B3GLCT: variants seen among roughly 807,000 people sequenced by gnomAD.
The protein encoded by B3GLCT is beta-1,3-glucosyltransferase.
Under a neutral mutation model 63.4 loss-of-function variants are expected in B3GLCT, and 65 were observed. That is an observed-to-expected ratio of 1.03 (90% CI 0.84 to 1.26). The LOEUF (loss-of-function observed/expected upper bound fraction) is 1.26. B3GLCT is among the 50% of genes most tolerant of loss of function. The pLI is 0.00. For synonymous variants in B3GLCT, 233 were observed against 219.2 expected, an observed-to-expected ratio of 1.06 and a Z score of -0.55; for missense variants, 577 against 604.8, an observed-to-expected ratio of 0.95 and a Z score of 0.48.
intron 2 of B3GLCT, 45 bp from the exon 3 acceptor site, chr13:31,222,907 G>T: frequency 1.5e-6 from 2 of 1,300,344 alleles, no homozygotes; most frequent in Non-Finnish European, 2.2e-6. Flanking sequence ...TGCTGGCTTT[G>T]TTATGTACTG....
intron 1 of B3GLCT, among the ~76,000 whole-genome samples, chr13:31,206,213 G>A (rs1256822169): frequency 6.6e-6 from 1 of 152,184 alleles, no homozygotes; most frequent in Non-Finnish European, 1.5e-5. Context: ...TTCCCAGTGT[G>A]TGTCAGACTT....
chr13:31,300,773 G>A (rs946263695), intron 12 of B3GLCT, among the ~76,000 whole-genome samples: 4 of 152,132 alleles, frequency 2.6e-5, no homozygotes, highest in Non-Finnish European at 5.9e-5. Flanking sequence ...GGAGCAATTG[G>A]GGAAGTGTCA....
chr13:31,270,834 A>G (rs1872548780), intron 8 of B3GLCT, among the ~76,000 whole-genome samples: 1 of 152,212 alleles, frequency 6.6e-6, no homozygotes, highest in Non-Finnish European at 1.5e-5. Context: ...AGTTCAGCTA[A>G]TCTGGATTCT....
At chr13:31,269,298 T>C (rs1018208717) in intron 8 of B3GLCT, 21 bp downstream of exon 8, 2 of 1,540,880 alleles carry the variant, frequency 1.3e-6, no homozygotes, top group Admixed American at 3.4e-5. Flanking sequence ...TTTTGTTTGA[T>C]TAAAAATCTT....
Position 31,316,907 on chromosome 13 carries a change from T to C in B3GLCT, c.1065-659T>C, listed in dbSNP as rs540820686. On this transcript the variant is annotated intron_variant, in intron 12 of 14. Coordinates refer to ENST00000343307, the MANE Select transcript of B3GLCT (RefSeq NM_194318.4). ...CTAATACACTGCCCTTTGTAAGCTG[T>C]TGTTGGTAATGTGTGTTAAAGGCAG... is the stretch of plus-strand genomic sequence containing the variant. Among the ~76,000 whole-genome samples, 69 of 152,266 alleles carry C rather than the reference T, an allele frequency of 4.5e-4. 1 individual carries two copies. The highest frequency in any genetic ancestry group is 1.6e-3 in the Admixed American group (24 of 15,308).
At chr13:31,234,142 C>T (rs1001776223) in intron 4 of B3GLCT, among the ~76,000 whole-genome samples, 11 of 152,132 alleles carry the variant, frequency 7.2e-5, no homozygotes, top group Non-Finnish European at 1.5e-4. Flanking sequence ...CTCAGCCTCC[C>T]GAGTAGCTGG....
At chr13:31,287,586 A>C (rs1469748758) in intron 12 of B3GLCT, among the ~76,000 whole-genome samples, 3 of 152,174 alleles carry the variant, frequency 2.0e-5, no homozygotes, top group Non-Finnish European at 4.4e-5. Flanking sequence ...AAAATAACCA[A>C]CATCTAATAA....
intron 1 of B3GLCT, among the ~76,000 whole-genome samples, chr13:31,211,421 T>A (rs1869253733): frequency 6.6e-6 from 1 of 151,990 alleles, no homozygotes; most frequent in Non-Finnish European, 1.5e-5. Flanking sequence ...CAACTGGAAT[T>A]TTTTCTAAGG....
chr13:31,202,888 G>A (rs1440351181), intron 1 of B3GLCT, among the ~76,000 whole-genome samples: 1 of 152,232 alleles, frequency 6.6e-6, no homozygotes. Context: ...CTGGATGCCA[G>A]ATGGATGTGG....
chr13:31,276,881 C>T lies in B3GLCT; in HGVS notation c.850+110C>T, dbSNP rs1333914638. ...ATTCAGAAAAGGGATAATGACAATT[C>T]GGATGTTGAAGTGAAAGCAGTTATT... is the stretch of plus-strand genomic sequence containing the variant. On this transcript the variant is annotated intron_variant, in intron 10 of 14. Transcript: ENST00000343307. 17 of 829,530 alleles carry T rather than the reference C, an allele frequency of 2.0e-5. No homozygotes were observed. The East Asian group carries it at 2.5e-4, about 12-fold the overall frequency. The allele number at this position is 829,530 out of a possible 1,614,324, so 51.4% of individuals were successfully genotyped here. A position where few individuals can be genotyped will look rare whatever the true frequency, so the allele number is the denominator to read the frequency against.
chr13:31,200,193 G>C, intron 1 of B3GLCT, 39 bp downstream of exon 1: 1 of 1,209,710 alleles, frequency 8.3e-7, no homozygotes, highest in Non-Finnish European at 1.0e-6. Context: ...GGCGAGGCGT[G>C]GGGTTCGCGG....
At chr13:31,220,655 C>T (rs1869766741) in intron 2 of B3GLCT, among the ~76,000 whole-genome samples, 1 of 152,180 alleles carries the variant, frequency 6.6e-6, no homozygotes, top group African/African-American at 2.4e-5. Context: ...CTCAATTCAC[C>T]TTATTCAACT....
At chr13:31,272,301 C>T (rs1312819284) in intron 8 of B3GLCT, among the ~76,000 whole-genome samples, 4 of 151,600 alleles carry the variant, frequency 2.6e-5, no homozygotes, top group Admixed American at 2.0e-4. Flanking sequence ...CTGCAACCTC[C>T]ACATCCTGGG....
At chr13:31,233,882 C>G (rs1455135509) in intron 4 of B3GLCT, among the ~76,000 whole-genome samples, 1 of 152,090 alleles carries the variant, frequency 6.6e-6, no homozygotes, top group Non-Finnish European at 1.5e-5. Context: ...CTCATTCATT[C>G]TTTTGGTATT....
intron 7 of B3GLCT, among the ~76,000 whole-genome samples, chr13:31,266,952 G>A (rs1872353246): frequency 6.6e-6 from 1 of 151,978 alleles, no homozygotes; most frequent in East Asian, 1.9e-4. Flanking sequence ...TGTATTTTTA[G>A]TAGAGACGGG....
chr13:31,215,212 A>C (rs1837570664), intron 2 of B3GLCT, 112 bp downstream of exon 2: 6 of 1,124,690 alleles, frequency 5.3e-6, no homozygotes, highest in Non-Finnish European at 7.9e-6. Context: ...TTGTTACATA[A>C]TTCATATAAT....
intron 2 of B3GLCT, among the ~76,000 whole-genome samples, chr13:31,217,638 A>G (rs562666543): frequency 4.6e-5 from 7 of 152,336 alleles, no homozygotes; most frequent in Admixed American, 2.0e-4. Flanking sequence ...GAAGGGGTCC[A>G]GTGTCAATCT....
chr13:31,200,152 T>C lies in B3GLCT; in HGVS notation c.68T>C (p.Leu23Pro). Reference sequence around the variant, plus strand: ...CTGCTCGCGCTCCTCACCTGCTCCCTGGGTAAGTAGCGGGCGGCCAGGCGC... The same window carrying C: ...CTGCTCGCGCTCCTCACCTGCTCCCCGGGTAAGTAGCGGGCGGCCAGGCGC... ...PALLALLTCS[L>P]AFGLASEDTK... Residue 23 changes from leucine (L) to proline (P), a missense_variant and splice_region_variant, in exon 1 of 15, where the codon CTG becomes CCG. Physicochemically the swap from Leu to Pro is moderately conservative, Grantham distance 98. Transcript: ENST00000343307. The C allele has an allele frequency of 7.4e-7, 1 of 1,342,794 alleles. No homozygotes were observed. The highest frequency in any genetic ancestry group is 9.6e-7 in the Non-Finnish European group (1 of 1,036,528). 83.2% of individuals were successfully genotyped at this position (1,342,794 alleles called of 1,614,324 possible).
chr13:31,252,313 A>G (rs930358407), intron 6 of B3GLCT, among the ~76,000 whole-genome samples: 7 of 152,342 alleles, frequency 4.6e-5, no homozygotes, highest in African/African-American at 1.7e-4. Context: ...GCATCAACTA[A>G]GGGGCAAAAT....
Sources: allele counts gnomAD v4.1 joint callset (sites outside exome capture counted in the v4.1 genomes callset), GRCh38; gene constraint gnomAD v4.1.1; transcripts MANE v1.5; gene names NCBI Gene and HGNC (gene_info 2026-07-23, HGNC 2026-07-21).